Variants in CCSER1 observed in about 807,000 individuals in gnomAD.
CCSER1 encodes the protein coiled-coil serine rich protein 1.
Under a neutral mutation model 82.0 loss-of-function variants are expected in CCSER1, and 41 were observed. That is an observed-to-expected ratio of 0.50 (90% confidence interval 0.39 to 0.65). CCSER1 has a LOEUF of 0.65. Among genes scored for constraint, CCSER1 ranks in the 30% least tolerant of loss-of-function variants. The probability of loss-of-function intolerance (pLI) is 0.00; values close to 1 mark genes in which losing one functional copy is unlikely to be tolerated. For synonymous variants in CCSER1, 414 were observed against 383.9 expected, an observed-to-expected ratio of 1.08 and a Z score of -0.92; for missense variants, 1,119 against 1,064.2, an observed-to-expected ratio of 1.05 and a Z score of -0.72.
At chr4:91,021,702 G>T (rs1022475893) in intron 9 of CCSER1, among the ~76,000 whole-genome samples, 1 of 152,020 alleles carries the variant, frequency 6.6e-6, no homozygotes, top group African/African-American at 2.4e-5. Flanking sequence ...AAAGACATAG[G>T]AACAAATGAT....
intron 10 of CCSER1, among the ~76,000 whole-genome samples, chr4:91,434,150 G>A (rs991254610): frequency 2.0e-5 from 3 of 151,902 alleles, no homozygotes; most frequent in Non-Finnish European, 4.4e-5. Context: ...AAAAAGGGAA[G>A]CAAACTATTG....
chr4:90,771,578 A>AG (rs1427135816), intron 7 of CCSER1, among the ~76,000 whole-genome samples: 233 of 151,014 alleles, frequency 1.5e-3, no homozygotes, highest in African/African-American at 5.5e-3. Context: ...AAAAAAAAAA[A>AG]AAAAGAAAAG....
At chr4:90,957,658 A>C (rs1440910375) in intron 9 of CCSER1, among the ~76,000 whole-genome samples, 2 of 124,402 alleles carry the variant, frequency 1.6e-5, no homozygotes, top group African/African-American at 6.0e-5. Context: ...ATAATTATAT[A>C]TATAACTATA....
At chr4:91,246,099 T>C (rs1739753876) in intron 10 of CCSER1, among the ~76,000 whole-genome samples, 1 of 152,190 alleles carries the variant, frequency 6.6e-6, no homozygotes, top group Non-Finnish European at 1.5e-5. Context: ...TGTAGGCTAT[T>C]CTTACCTGAA....
At chr4:90,795,953 T>A (rs868610093) in intron 7 of CCSER1, among the ~76,000 whole-genome samples, 4 of 152,162 alleles carry the variant, frequency 2.6e-5, no homozygotes, top group African/African-American at 4.8e-5. Flanking sequence ...GGCCTGAAGT[T>A]TTTTGTTGTT....
chr4:90,153,605 G>A (rs572669252), intron 1 of CCSER1, among the ~76,000 whole-genome samples: 17 of 152,162 alleles, frequency 1.1e-4, no homozygotes, highest in Middle Eastern at 3.4e-3. Flanking sequence ...GTATCTCATT[G>A]TGGTTTTGAT....
intron 7 of CCSER1, among the ~76,000 whole-genome samples, chr4:90,750,256 G>T (rs1334994310): frequency 3.3e-5 from 5 of 152,086 alleles, no homozygotes; most frequent in Admixed American, 3.3e-4. Flanking sequence ...TGTTCGCTCT[G>T]ATGGTAGTTT....
chr4:90,360,733 A>G (rs1173663963), intron 3 of CCSER1, among the ~76,000 whole-genome samples: 3 of 152,180 alleles, frequency 2.0e-5, no homozygotes, highest in Non-Finnish European at 4.4e-5. Context: ...ATTTCTGTCA[A>G]CATCCATTGG....
chr4:90,290,885 G>A (rs1375050109), intron 1 of CCSER1, among the ~76,000 whole-genome samples: 3 of 151,962 alleles, frequency 2.0e-5, no homozygotes, highest in African/African-American at 7.2e-5. Flanking sequence ...TATTGTTACT[G>A]TTGTATATGT....
Position 90,773,048 on chromosome 4 carries a change from C to T in CCSER1, c.2011-42714C>T, listed in dbSNP as rs148200691. On this transcript the variant is annotated intron_variant, in intron 7 of 10. Coordinates refer to ENST00000509176, the MANE Select transcript of CCSER1 (RefSeq NM_001145065.2). ...CTGAGGTCGGGAGTTCGAGACCAGC[C>T]TGACCAACGTGGAGAAACCCCATGT... Among the ~76,000 whole-genome samples the T allele has an allele frequency of 1.5e-3, 235 of 152,178 alleles. No individual in the cohort carries two copies. The East Asian group carries it at 0.019, about 12-fold the overall frequency.
At chr4:91,493,504 A>G (rs1758661014) in intron 10 of CCSER1, among the ~76,000 whole-genome samples, 1 of 151,850 alleles carries the variant, frequency 6.6e-6, no homozygotes, top group Non-Finnish European at 1.5e-5. Flanking sequence ...TGAAACCATT[A>G]CTATTTTTCA....
intron 10 of CCSER1, among the ~76,000 whole-genome samples, chr4:91,530,597 T>C (rs1760977561): frequency 1.3e-5 from 2 of 152,110 alleles, no homozygotes; most frequent in African/African-American, 4.8e-5. Flanking sequence ...CATTACATAT[T>C]TTGTCTCATT....
chr4:91,203,293 A>G (rs533643056), intron 10 of CCSER1, among the ~76,000 whole-genome samples: 1 of 152,060 alleles, frequency 6.6e-6, no homozygotes, highest in East Asian at 1.9e-4. Flanking sequence ...CTTTTATCAA[A>G]TAAGGAAAGA....
chr4:91,034,796 C>G (rs1337337671), intron 9 of CCSER1, among the ~76,000 whole-genome samples: 1 of 151,420 alleles, frequency 6.6e-6, no homozygotes, highest in African/African-American at 2.4e-5. Flanking sequence ...GTTACAATTC[C>G]TTATTATTTT....
chr4:90,877,966 T>C (rs1360041264), intron 8 of CCSER1, among the ~76,000 whole-genome samples: 1 of 152,164 alleles, frequency 6.6e-6, no homozygotes, highest in Non-Finnish European at 1.5e-5. Flanking sequence ...CTTTGGCATG[T>C]CCAGCAAGCT....
At chr4:91,082,196 G>A (rs919703898) in intron 9 of CCSER1, among the ~76,000 whole-genome samples, 9 of 152,160 alleles carry the variant, frequency 5.9e-5, no homozygotes, top group Non-Finnish European at 1.2e-4. Context: ...AAAACGGCAT[G>A]GTACTGGTAC....
chr4:90,450,936 T>G (rs1392714089), intron 4 of CCSER1, among the ~76,000 whole-genome samples: 1 of 152,190 alleles, frequency 6.6e-6, no homozygotes, highest in East Asian at 1.9e-4. Flanking sequence ...TCTACACCAT[T>G]TTGAAGGGAC....
rs1258125484 is a variant in CCSER1 at position 91,546,975 on chromosome 4, T to TC, written c.2218-51597_2218-51596insC. ...TTTTAAATTTCTCTTGAGTTTTCTT[T>TC]TTTTTTTTTTTTCACCCATGTGCTA... is the stretch of plus-strand genomic sequence containing the variant. On this transcript the variant is annotated intron_variant, in intron 10 of 10. Coordinates refer to ENST00000509176, the MANE Select transcript of CCSER1 (RefSeq NM_001145065.2). Among the ~76,000 whole-genome samples, 14 of 149,910 alleles carry TC rather than the reference T, an allele frequency of 9.3e-5. No individual in the cohort carries two copies. In the South Asian group the frequency reaches 1.3e-3, roughly 13 times the overall value.
At chr4:90,425,905 G>T (rs1757457527) in intron 4 of CCSER1, among the ~76,000 whole-genome samples, 1 of 151,612 alleles carries the variant, frequency 6.6e-6, no homozygotes, top group South Asian at 2.1e-4. Context: ...ACAGTCTAAT[G>T]GAAGATTCTA....
Sources: gnomAD v4.1 joint callset for allele counts (sites outside exome capture counted in the v4.1 genomes callset) on GRCh38, gnomAD v4.1.1 for gene constraint, MANE v1.5 for transcripts, NCBI Gene and HGNC (gene_info 2026-07-23, HGNC 2026-07-21) for gene names.